The following FOXP2 variants were observed in gnomAD, a reference collection of about 807,000 sequenced individuals.
FOXP2 encodes the protein forkhead box protein P2.
Under a neutral mutation model 115.8 loss-of-function variants are expected in FOXP2, and 12 were observed. The observed-to-expected ratio is 0.10, with a 90% CI of 0.07 to 0.17. The LOEUF is 0.17. FOXP2 is among the 10% of genes least tolerant of loss of function. The pLI, the probability that FOXP2 is intolerant of heterozygous loss-of-function variation, is 1.00. For synonymous variants in FOXP2, 328 were observed against 297.7 expected (o/e 1.10, Z -1.05); for missense variants, 629 against 843.5 (o/e 0.75, Z 3.15).
chr7:114,315,665 T>A (rs1178605823), intron 2 of FOXP2, among the ~76,000 whole-genome samples: 1 of 151,994 alleles, frequency 6.6e-6, no homozygotes, highest in Non-Finnish European at 1.5e-5. Context: ...AAATTCTTGT[T>A]ACTTGCCGTA....
intron 3 of FOXP2, among the ~76,000 whole-genome samples, chr7:114,617,104 T>A (rs1389159654): frequency 6.6e-6 from 1 of 152,000 alleles, no homozygotes; most frequent in Non-Finnish European, 1.5e-5. Flanking sequence ...AAATTAAATT[T>A]AAAAGAACCC....
chr7:114,602,053 C>A (rs1369776397), intron 3 of FOXP2, among the ~76,000 whole-genome samples: 1 of 151,910 alleles, frequency 6.6e-6, no homozygotes, highest in Non-Finnish European at 1.5e-5. Flanking sequence ...GAATGTATAT[C>A]TGCTTTTCTT....
At chr7:114,539,602 CTA>C (rs1456211975) in intron 3 of FOXP2, among the ~76,000 whole-genome samples, 1 of 151,912 alleles carries the variant, frequency 6.6e-6, no homozygotes, top group Non-Finnish European at 1.5e-5. Flanking sequence ...CAAGAACAGA[CTA>C]TGTCTTGTGT....
intron 1 of FOXP2, among the ~76,000 whole-genome samples, chr7:114,189,697 G>A (rs527496720): frequency 5.3e-5 from 8 of 152,224 alleles, no homozygotes; most frequent in South Asian, 2.1e-4. Flanking sequence ...TTTGGGAGAC[G>A]TCACTGGGTC....
At chr7:114,174,107 C>G (rs941214188) in intron 1 of FOXP2, among the ~76,000 whole-genome samples, 44 of 151,942 alleles carry the variant, frequency 2.9e-4, no homozygotes, top group Middle Eastern at 6.8e-3. Flanking sequence ...CTCTTTTGCC[C>G]TTTATTCTTT....
In FOXP2 at chr7:114,628,576, A is replaced by G. The variant is rs1347150082; in HGVS notation, c.295A>G (p.Ile99Val). 1.2e-6 allele frequency: 2 copies of G among 1,614,028 alleles called. No homozygotes were observed. Among genetic ancestry groups the G allele is most frequent in the Non-Finnish European group, 1.7e-6 (2 of 1,179,984 alleles). ...VSVAMMTPQV[I>V]TPQQMQQILQ... Reference sequence around the variant, plus strand: ...AGTGGCCATGATGACTCCCCAGGTGATCACCCCTCAGCAAATGCAGCAGAT... The same window carrying G: ...AGTGGCCATGATGACTCCCCAGGTGGTCACCCCTCAGCAAATGCAGCAGAT... Residue 99 changes from isoleucine to valine, a missense_variant, in exon 4 of 17, where the codon ATC becomes GTC. Coordinates refer to ENST00000350908, the MANE Select transcript of FOXP2 (RefSeq NM_014491.4).
intron 3 of FOXP2, among the ~76,000 whole-genome samples, chr7:114,542,980 G>A (rs948731989): frequency 6.6e-6 from 1 of 151,638 alleles, no homozygotes; most frequent in Non-Finnish European, 1.5e-5. Flanking sequence ...TAGTAGAGAC[G>A]GGGTTTCACC....
intron 3 of FOXP2, among the ~76,000 whole-genome samples, chr7:114,558,902 C>T (rs1295775474): frequency 6.6e-6 from 1 of 152,156 alleles, no homozygotes; most frequent in African/African-American, 2.4e-5. Context: ...GGTTGGTGTT[C>T]TGTAGTGTCC....
chr7:114,166,488 A>G (rs949227717), intron 1 of FOXP2, among the ~76,000 whole-genome samples: 2 of 152,136 alleles, frequency 1.3e-5, no homozygotes, highest in Non-Finnish European at 2.9e-5. Flanking sequence ...GCAGATCACG[A>G]GGTCAGGAGA....
chr7:114,632,849 GAATA>G (rs1423983863), intron 6 of FOXP2, among the ~76,000 whole-genome samples: 1 of 151,788 alleles, frequency 6.6e-6, no homozygotes, highest in African/African-American at 2.4e-5. Flanking sequence ...AAGAATATTG[GAATA>G]AATATTCTAA....
At chr7:114,270,521 A>G (rs1796009406) in intron 1 of FOXP2, among the ~76,000 whole-genome samples, 1 of 152,110 alleles carries the variant, frequency 6.6e-6, no homozygotes, top group South Asian at 2.1e-4. Context: ...ATTCTAATAG[A>G]TATGTAGTGG....
At chr7:114,585,646 C>T (rs930959131) in intron 3 of FOXP2, among the ~76,000 whole-genome samples, 10 of 151,240 alleles carry the variant, frequency 6.6e-5, no homozygotes, top group African/African-American at 2.4e-4. Flanking sequence ...GGGCAGATCA[C>T]TGATGGCCAG....
At chr7:114,586,973 G>A (rs925829479) in intron 3 of FOXP2, among the ~76,000 whole-genome samples, 45 of 151,722 alleles carry the variant, frequency 3.0e-4, no homozygotes, top group African/African-American at 6.8e-4. Context: ...TAGCACTAGC[G>A]TTAATAAAGC....
At chr7:114,165,356 C>A (rs1792952138) in intron 1 of FOXP2, among the ~76,000 whole-genome samples, 1 of 152,162 alleles carries the variant, frequency 6.6e-6, no homozygotes, top group Non-Finnish European at 1.5e-5. Flanking sequence ...CTTGCAAATG[C>A]CATGATTGTC....
chr7:114,175,809 A>G (rs1793274672), intron 1 of FOXP2, among the ~76,000 whole-genome samples: 1 of 152,234 alleles, frequency 6.6e-6, no homozygotes, highest in African/African-American at 2.4e-5. Context: ...TGTAGAATCC[A>G]AAGTGGTAGC....
chr7:114,497,212 T>G (rs1797360364), intron 2 of FOXP2, among the ~76,000 whole-genome samples: 1 of 152,226 alleles, frequency 6.6e-6, no homozygotes, highest in Non-Finnish European at 1.5e-5. Context: ...AGTTTAAATT[T>G]TGCTAAATTA....
In FOXP2 at chr7:114,631,524, C is replaced by CCAGCAG; in HGVS notation, c.615_620dup. On this transcript the variant is annotated splice_region_variant and splice_polypyrimidine_tract_variant and intron_variant, in intron 5 of 16. Coordinates refer to ENST00000350908, the MANE Select transcript of FOXP2 (RefSeq NM_014491.4). ...GTTTACTGGTTTGGGTTTTCTGATA[C>CCAGCAG]CAGCAGCAGCAGCAGCAGCAGCAGC... 502 of 1,553,696 alleles carry CCAGCAG rather than the reference C, an allele frequency of 3.2e-4. No homozygotes were observed. The highest frequency in any genetic ancestry group is 4.0e-4 in the Non-Finnish European group (459 of 1,147,418).
chr7:114,616,375 C>G (rs1425480202), intron 3 of FOXP2, among the ~76,000 whole-genome samples: 3 of 152,142 alleles, frequency 2.0e-5, no homozygotes, highest in Non-Finnish European at 4.4e-5. Context: ...GTTGGCCAAG[C>G]TGGTCTCGAA....
chr7:114,547,392 C>A (rs1799978274), intron 3 of FOXP2, among the ~76,000 whole-genome samples: 2 of 152,124 alleles, frequency 1.3e-5, no homozygotes, highest in Non-Finnish European at 2.9e-5. Flanking sequence ...GTTTCTAATG[C>A]CACTACGTAT....
Sources: gnomAD v4.1 joint callset for allele counts (sites outside exome capture counted in the v4.1 genomes callset) on GRCh38, gnomAD v4.1.1 for gene constraint, MANE v1.5 for transcripts, NCBI Gene and HGNC (gene_info 2026-07-23, HGNC 2026-07-21) for gene names.